The following FRMPD3 variants were observed in gnomAD, a reference collection of about 807,000 sequenced individuals.
FRMPD3 encodes FERM and PDZ domain-containing protein 3.
In FRMPD3, 42 loss-of-function variants were observed where a neutral mutation model predicts 97.9. That is an observed-to-expected ratio of 0.43 (90% CI 0.34 to 0.55). FRMPD3 has a LOEUF of 0.55. Ranked by LOEUF, FRMPD3 falls within the 20% of genes least tolerant of loss-of-function variation. FRMPD3 has a pLI of 0.03. For missense variants in FRMPD3, 1,303 were observed against 1,457.7 expected, an observed-to-expected ratio of 0.89 and a Z score of 1.73; for synonymous variants, 577 against 581.1, an observed-to-expected ratio of 0.99 and a Z score of 0.10.
intron 12 of FRMPD3, among the ~76,000 whole-genome samples, chrX:107,575,990 G>A (rs1923098049): frequency 8.9e-6 from 1 of 112,015 alleles, no homozygotes; most frequent in African/African-American, 3.2e-5. Context: ...CGGCTGGCCT[G>A]TGTATCTGCT....
At chrX:107,559,485 T>C (rs1354239180) in intron 8 of FRMPD3, among the ~76,000 whole-genome samples, 1 of 112,042 alleles carries the variant, frequency 8.9e-6, no homozygotes, top group African/African-American at 3.2e-5. Flanking sequence ...TAGAATCCAC[T>C]GAATTTTCTA....
In FRMPD3 at chrX:107,468,403, T is replaced by C. The variant is rs954077085; in HGVS notation, c.-8+18398T>C. On this transcript the variant is annotated intron_variant, in intron 1 of 14. Transcript: ENST00000683843. ...CAGGCTCTGTTCTAGATGCTGGGGA[T>C]ACAATGGTGAACAGGACAGACAAAA... 2.7e-5 allele frequency among the ~76,000 whole-genome samples: 3 copies of C among 112,415 alleles called. No homozygotes were observed. The Admixed American group carries it at 2.8e-4, about 11-fold the overall frequency.
chrX:107,519,663 GAGAA>G (rs1327050510), intron 1 of FRMPD3, among the ~76,000 whole-genome samples: 1 of 111,581 alleles, frequency 9.0e-6, no homozygotes, highest in African/African-American at 3.3e-5. Context: ...TAACAATGAG[GAGAA>G]AGAGAGTGGT....
In FRMPD3 at chrX:107,598,148, G is replaced by A. The variant is rs777690865; in HGVS notation, c.2263+6G>A. 5.9e-6 allele frequency: 7 copies of A among 1,182,639 alleles called. No homozygotes were observed. The highest frequency in any genetic ancestry group is 8.0e-6 in the Non-Finnish European group (7 of 875,549). ...ACCACCCCCACAGACTGCAGGTAATGACCGATTCCTTCTCCCTCTTTCCAC... is the reference window on the plus strand; with the variant it reads ...ACCACCCCCACAGACTGCAGGTAATAACCGATTCCTTCTCCCTCTTTCCAC... On this transcript the variant is annotated splice_donor_region_variant and intron_variant, in intron 14 of 14. Coordinates refer to ENST00000683843, the MANE Select transcript of FRMPD3 (RefSeq NM_001388459.1).
At position 107,604,861 on chromosome X, in the gene FRMPD3, A is replaced by C. The variant is rs1325545056; in HGVS notation, c.*1488A>C. On this transcript the variant is annotated 3_prime_UTR_variant, in exon 15 of 15. Coordinates refer to ENST00000683843, the MANE Select transcript of FRMPD3 (RefSeq NM_001388459.1). The stretch of plus-strand genomic sequence containing the variant: ...CCCATCCTTGGTAGCCCCTAGTGCA[A>C]TAAAGTCTCCCTGAGTGGTGAGTTC... 9.0e-6 allele frequency: 1 copy of C among 110,581 alleles called. No individual in the cohort carries two copies. Among genetic ancestry groups the C allele is most frequent in the East Asian group, 2.8e-4 (1 of 3,520 alleles). The allele number at this position is 110,581 out of a possible 1,213,427, so 9.1% of individuals were successfully genotyped here. A position where few individuals can be genotyped will look rare whatever the true frequency, so the allele number is the denominator to read the frequency against.
chrX:107,562,546 T>C (rs949510669), intron 10 of FRMPD3, among the ~76,000 whole-genome samples: 1 of 111,806 alleles, frequency 8.9e-6, no homozygotes, highest in Non-Finnish European at 1.9e-5. Context: ...GATGGATAGA[T>C]TGGAAAAGGA....
chrX:107,497,370 T>A (rs1921800037), intron 1 of FRMPD3, among the ~76,000 whole-genome samples: 1 of 112,875 alleles, frequency 8.9e-6, no homozygotes, highest in Non-Finnish European at 1.9e-5. Context: ...CCATGGACCT[T>A]AAAGAAATAG....
chrX:107,569,442 A>G (rs775882482), intron 12 of FRMPD3, among the ~76,000 whole-genome samples: 5 of 110,513 alleles, frequency 4.5e-5, no homozygotes, highest in Non-Finnish European at 7.6e-5. Context: ...AGGTGCTTAT[A>G]TCAGCAATAT....
intron 12 of FRMPD3, among the ~76,000 whole-genome samples, chrX:107,571,952 G>A (rs1922907847): frequency 8.9e-6 from 1 of 112,444 alleles, no homozygotes; most frequent in Non-Finnish European, 1.9e-5. Flanking sequence ...ACCCACCCAC[G>A]TACCACTCCA....
intron 2 of FRMPD3, among the ~76,000 whole-genome samples, 152 bp from the exon 3 acceptor site, chrX:107,530,257 G>A (rs1302825525): frequency 8.9e-6 from 1 of 112,141 alleles, no homozygotes; most frequent in Non-Finnish European, 1.9e-5. Context: ...CAGAGAGCTC[G>A]AATAGCACCC....
At chrX:107,493,177 CAAA>C (rs60695168) in intron 1 of FRMPD3, among the ~76,000 whole-genome samples, 10 of 51,718 alleles carry the variant, frequency 1.9e-4, no homozygotes, top group Admixed American at 3.1e-4. Context: ...GAGACCCTGT[CAAA>C]AAAAAAAAAA....
At chrX:107,529,934 G>A (rs1026796813) in intron 2 of FRMPD3, among the ~76,000 whole-genome samples, 1 of 111,751 alleles carries the variant, frequency 8.9e-6, no homozygotes, top group African/African-American at 3.3e-5. Context: ...AATGTTTATT[G>A]ACCTTATCTG....
intron 13 of FRMPD3, among the ~76,000 whole-genome samples, chrX:107,579,627 C>T (rs754515494): frequency 7.2e-5 from 8 of 111,694 alleles, no homozygotes; most frequent in Admixed American, 6.7e-4. Context: ...AACAGAGCAG[C>T]GCCTGGGTTT....
intron 1 of FRMPD3, among the ~76,000 whole-genome samples, chrX:107,516,091 G>A (rs1394813147): frequency 1.1e-5 from 1 of 93,460 alleles, no homozygotes; most frequent in East Asian, 3.5e-4. Context: ...TGTTCTCATT[G>A]TTCAATTCCC....
intron 1 of FRMPD3, among the ~76,000 whole-genome samples, chrX:107,511,250 A>G (rs1200021335): frequency 2.7e-5 from 3 of 111,667 alleles, no homozygotes; most frequent in South Asian, 7.5e-4. Context: ...CAACCCCCTC[A>G]TCTACTCAGG....
Position 107,604,831 on chromosome X carries a change from C to T in FRMPD3, c.*1458C>T, listed in dbSNP as rs1045105260. The T allele has an allele frequency of 2.7e-5, 3 of 110,926 alleles. No homozygotes were observed. Among genetic ancestry groups the T allele is most frequent in the African/African-American group, 9.9e-5 (3 of 30,447 alleles). The allele number at this position is 110,926 out of a possible 1,213,427, so 9.1% of individuals were successfully genotyped here. ...TATAAAGATGTACACTGTGCTTAAT[C>T]CCTGCCCATCCTTGGTAGCCCCTAG... On this transcript the variant is annotated 3_prime_UTR_variant, in exon 15 of 15. Coordinates refer to ENST00000683843, the MANE Select transcript of FRMPD3 (RefSeq NM_001388459.1).
At chrX:107,575,304 G>A (rs758491997) in intron 12 of FRMPD3, among the ~76,000 whole-genome samples, 2 of 111,648 alleles carry the variant, frequency 1.8e-5, no homozygotes, top group African/African-American at 6.5e-5. Flanking sequence ...TATATTAAAG[G>A]GTCTTATGAA....
At chrX:107,500,124 C>G (rs962957601) in intron 1 of FRMPD3, among the ~76,000 whole-genome samples, 6 of 111,904 alleles carry the variant, frequency 5.4e-5, no homozygotes, top group African/African-American at 2.0e-4. Flanking sequence ...GGCAACACAA[C>G]AGTACAAATA....
chrX:107,577,475 C>A (rs1602841461), intron 13 of FRMPD3, among the ~76,000 whole-genome samples: 1 of 78,983 alleles, frequency 1.3e-5, no homozygotes. Context: ...CAGAGTGAGA[C>A]TGTCTCAAAA....
Sources: gnomAD v4.1 joint callset for allele counts (sites outside exome capture counted in the v4.1 genomes callset) on GRCh38, gnomAD v4.1.1 for gene constraint, MANE v1.5 for transcripts, NCBI Gene and HGNC (gene_info 2026-07-23, HGNC 2026-07-21) for gene names.